KIF16B: variants seen among roughly 807,000 people sequenced by gnomAD.
KIF16B encodes kinesin family member 16B.
A neutral mutation model predicts 156.3 loss-of-function variants in KIF16B; 98 were observed. That is an observed-to-expected ratio of 0.63 (90% CI 0.53 to 0.74). The LOEUF (loss-of-function observed/expected upper bound fraction) is 0.74. Among genes scored for constraint, KIF16B ranks in the 30% least tolerant of loss-of-function variants. The pLI, the probability that KIF16B is intolerant of heterozygous loss-of-function variation, is 0.00. For missense variants in KIF16B, 1,421 were observed against 1,606.5 expected, an observed-to-expected ratio of 0.88 and a Z score of 1.97; for synonymous variants, 564 against 583.7, an observed-to-expected ratio of 0.97 and a Z score of 0.49.
intron 25 of KIF16B, among the ~76,000 whole-genome samples, chr20:16,293,708 G>A (rs1238040242): frequency 6.6e-6 from 1 of 152,168 alleles, no homozygotes; most frequent in Admixed American, 6.5e-5. Context: ...GAGGGTTCCA[G>A]GGGAGGTTTC....
intron 17 of KIF16B, among the ~76,000 whole-genome samples, chr20:16,392,219 T>C (rs2065384670): frequency 6.6e-6 from 1 of 152,194 alleles, no homozygotes; most frequent in African/African-American, 2.4e-5. Context: ...AATCATTTCC[T>C]CATAATATAC....
At chr20:16,279,622 C>G (rs1238194068) in intron 25 of KIF16B, among the ~76,000 whole-genome samples, 3 of 152,172 alleles carry the variant, frequency 2.0e-5, no homozygotes, top group African/African-American at 7.2e-5. Flanking sequence ...ATCTGCCTAT[C>G]ACGCTCTTCT....
intron 15 of KIF16B, among the ~76,000 whole-genome samples, chr20:16,421,458 T>A (rs1368193444): frequency 6.6e-6 from 1 of 152,144 alleles, no homozygotes; most frequent in Non-Finnish European, 1.5e-5. Flanking sequence ...ACTCTTTTAT[T>A]TTTACTACAT....
chr20:16,287,677 G>T (rs2063245139), intron 25 of KIF16B, among the ~76,000 whole-genome samples: 2 of 152,140 alleles, frequency 1.3e-5, no homozygotes, highest in African/African-American at 4.8e-5. Context: ...TTTTTACAGG[G>T]TGACGTCCTT....
At chr20:16,288,349 G>A (rs2063257123) in intron 25 of KIF16B, among the ~76,000 whole-genome samples, 1 of 152,220 alleles carries the variant, frequency 6.6e-6, no homozygotes, top group Admixed American at 6.5e-5. Flanking sequence ...GCTTAGGACA[G>A]GGTCCAATTT....
chr20:16,291,245 A>G (rs1020877875), intron 25 of KIF16B, among the ~76,000 whole-genome samples: 7 of 152,232 alleles, frequency 4.6e-5, no homozygotes, highest in African/African-American at 1.7e-4. Flanking sequence ...AAATTACTCT[A>G]GAGAAGAAAG....
chr20:16,495,498 ATCATTCAGGGGTCC>A (rs1745496804), intron 11 of KIF16B, among the ~76,000 whole-genome samples: 1 of 152,198 alleles, frequency 6.6e-6, no homozygotes, highest in Admixed American at 6.5e-5. Flanking sequence ...CCTATAGTCA[ATCATTCAGGGGTCC>A]TCAATTTACC....
At position 16,459,389 on chromosome 20, in the gene KIF16B, C is replaced by A. The variant is rs182747566; in HGVS notation, c.1303-29407G>T. On this transcript the variant is annotated intron_variant, in intron 12 of 25. Transcript: ENST00000354981. The stretch of plus-strand genomic sequence containing the variant: ...GAATTTTCCCAAAAGCCTAGGCCTT[C>A]CTTTACAGAGTCCCAAACTGTTTTC... 2.6e-5 allele frequency among the ~76,000 whole-genome samples: 4 copies of A among 152,316 alleles called. No homozygotes were observed. In the East Asian group the frequency reaches 7.7e-4, roughly 29 times the overall value.
intron 25 of KIF16B, among the ~76,000 whole-genome samples, chr20:16,277,901 G>C (rs1023210697): frequency 6.6e-6 from 1 of 152,166 alleles, no homozygotes; most frequent in Non-Finnish European, 1.5e-5. Flanking sequence ...ACCACAGAAG[G>C]CCTGCAGCTC....
rs191189739 is a variant in KIF16B at position 16,438,228 on chromosome 20, A to G, written c.1303-8246T>C. On this transcript the variant is annotated intron_variant, in intron 12 of 25. Coordinates refer to ENST00000354981, the MANE Select transcript of KIF16B (RefSeq NM_024704.5). ...GTAAGCAACAAGCTGGCGTTCATCCAGAAGCTACTGTTTCTCATACAGTAG... is the reference window on the plus strand; with the variant it reads ...GTAAGCAACAAGCTGGCGTTCATCCGGAAGCTACTGTTTCTCATACAGTAG... Among the ~76,000 whole-genome samples, 618 of 152,288 alleles carry G rather than the reference A, an allele frequency of 4.1e-3. 5 individuals carry two copies. The highest frequency in any genetic ancestry group is 0.014 in the African/African-American group (582 of 41,562).
At chr20:16,493,025 C>T (rs932309660) in intron 12 of KIF16B, among the ~76,000 whole-genome samples, 21 of 152,224 alleles carry the variant, frequency 1.4e-4, no homozygotes, top group African/African-American at 3.9e-4. Context: ...GAAATATGAA[C>T]GAAGTATTTG....
chr20:16,448,263 T>G (rs977642576), intron 12 of KIF16B, among the ~76,000 whole-genome samples: 2 of 152,166 alleles, frequency 1.3e-5, no homozygotes, highest in African/African-American at 2.4e-5. Context: ...CTGTGCACAG[T>G]GTCCTACAAA....
At chr20:16,493,872 C>T (rs1327085416) in intron 12 of KIF16B, among the ~76,000 whole-genome samples, 3 of 152,062 alleles carry the variant, frequency 2.0e-5, no homozygotes, top group South Asian at 2.1e-4. Flanking sequence ...GAAATCTAGC[C>T]GTGCTTTGCA....
intron 12 of KIF16B, among the ~76,000 whole-genome samples, chr20:16,457,445 T>C (rs2067239453): frequency 6.6e-6 from 1 of 152,222 alleles, no homozygotes; most frequent in Non-Finnish European, 1.5e-5. Context: ...AAATTTAAAC[T>C]TATGTTTTGA....
chr20:16,314,192 TCTTCAC>T (rs1466703112), intron 24 of KIF16B, among the ~76,000 whole-genome samples: 1 of 152,248 alleles, frequency 6.6e-6, no homozygotes, highest in Admixed American at 6.5e-5. Context: ...GTCAAACAAC[TCTTCAC>T]CTGCTCATTG....
Position 16,506,288 on chromosome 20 carries a change from T to A in KIF16B, c.700-98A>T. Reference sequence around the variant, plus strand: ...CTATTTTCTGCTCCTCACTGAGATCTCTCAGGGTAGATATTTTTCAATTTT... The same window carrying A: ...CTATTTTCTGCTCCTCACTGAGATCACTCAGGGTAGATATTTTTCAATTTT... On this transcript the variant is annotated intron_variant, in intron 7 of 25. Transcript: ENST00000354981. The A allele has an allele frequency of 1.0e-5, 10 of 1,001,262 alleles. No homozygotes were observed. The South Asian group carries it at 1.3e-4, about 13-fold the overall frequency. 62.0% of individuals were successfully genotyped at this position (1,001,262 alleles called of 1,614,324 possible). A position where few individuals can be genotyped will look rare whatever the true frequency, so the allele number is the denominator to read the frequency against.
chr20:16,375,385 C>G (rs2064922803), intron 19 of KIF16B, among the ~76,000 whole-genome samples: 1 of 152,230 alleles, frequency 6.6e-6, no homozygotes, highest in African/African-American at 2.4e-5. Flanking sequence ...TGTCAACCCT[C>G]TGGTGTCACC....
rs774131987 is a variant in KIF16B, at chr20:16,379,208, C to T, written c.2794G>A (p.Asp932Asn). The change falls in exon 19 of 26, where the codon GAC becomes AAC. Residue 932 changes from aspartate to asparagine, a missense_variant. Physicochemically the swap from Asp to Asn is conservative, Grantham distance 23. Coordinates refer to ENST00000354981, the MANE Select transcript of KIF16B (RefSeq NM_024704.5). ...EEKQRAFEIL[D>N]RGPLSLDNTL... ...TTGTCTAAGCTGAGAGGGCCTCTGT[C>T]AAGAATTTCAAATGCTCTCTGCTTT... 6.2e-7 allele frequency: 1 copy of T among 1,614,140 alleles called. No homozygotes were observed. Among genetic ancestry groups the T allele is most frequent in the Non-Finnish European group, 8.5e-7 (1 of 1,180,020 alleles).
At chr20:16,512,147 CAA>C (rs1017221184) in intron 5 of KIF16B, among the ~76,000 whole-genome samples, 1 of 138,838 alleles carries the variant, frequency 7.2e-6, no homozygotes. Flanking sequence ...ACTCCATCTC[CAA>C]AAAAAAAAAG....
Sources: gnomAD v4.1 joint callset for allele counts (sites outside exome capture counted in the v4.1 genomes callset) on GRCh38, gnomAD v4.1.1 for gene constraint, MANE v1.5 for transcripts, NCBI Gene and HGNC (gene_info 2026-07-23, HGNC 2026-07-21) for gene names.